Variants in PCDHA10 observed in about 807,000 individuals in gnomAD.
PCDHA10 encodes the protein protocadherin alpha-10.
In PCDHA10, 45 loss-of-function variants were observed where a neutral mutation model predicts 61.2. The ratio of observed to expected loss-of-function variants is 0.74; its 90% CI spans 0.58 to 0.94. The LOEUF (loss-of-function observed/expected upper bound fraction) is 0.94, where lower values mean the gene tolerates loss of function less well. Ranked by LOEUF, PCDHA10 falls within the 40% of genes least tolerant of loss-of-function variation. The probability of loss-of-function intolerance (pLI) is 0.00; values close to 1 mark genes in which losing one functional copy is unlikely to be tolerated. For missense variants in PCDHA10, 1,278 were observed against 1,236.2 expected (o/e 1.03, Z -0.51); for synonymous variants, 602 against 548.8 (o/e 1.10, Z -1.35).
intron 1 of PCDHA10, among the ~76,000 whole-genome samples, chr5:140,892,375 A>G (rs1032467069): frequency 1.3e-5 from 2 of 152,226 alleles, no homozygotes; most frequent in African/African-American, 4.8e-5. Flanking sequence ...GGCACTAGCA[A>G]TCATGGGTAA....
chr5:141,000,361 GTCTCTCTCTCTCTCTC>G (rs148596731), intron 3 of PCDHA10, among the ~76,000 whole-genome samples: 6 of 26,448 alleles, frequency 2.3e-4, no homozygotes, highest in African/African-American at 1.2e-3. Context: ...GTCTCTCTCT[GTCTCTCTCTCTCTCTC>G]TCTCTCTCTC....
At position 140,856,867 on chromosome 5, in the gene PCDHA10, C is replaced by G. The variant is rs1554149232; in HGVS notation, c.819C>G (p.Asn273Lys). The G allele has an allele frequency of 6.3e-7, 1 of 1,595,186 alleles. No homozygotes were observed. The highest frequency in any genetic ancestry group is 2.2e-5 in the East Asian group (1 of 44,848). ...LNASDSDEGI[N>K]KEMMYSFSSL... is the part of the protein sequence containing the mutation. ...CTTCTGATTCGGATGAAGGAATAAA[C>G]AAGGAAATGATGTATTCATTTAGCT... Residue 273 changes from asparagine to lysine, a missense_variant, in exon 1 of 4, where the codon AAC (asparagine) becomes AAG (lysine). Physicochemically the swap from Asn to Lys is moderately conservative, Grantham distance 94. Coordinates refer to ENST00000307360, the MANE Select transcript of PCDHA10 (RefSeq NM_018901.4).
chr5:140,916,864 T>A (rs2077768356), intron 1 of PCDHA10, among the ~76,000 whole-genome samples: 1 of 152,156 alleles, frequency 6.6e-6, no homozygotes, highest in African/African-American at 2.4e-5. Flanking sequence ...AGGAGTTACC[T>A]AGGAATTGCA....
At chr5:140,869,392 G>A in intron 1 of PCDHA10, 1 of 1,614,164 alleles carries the variant, frequency 6.2e-7, no homozygotes, top group Non-Finnish European at 8.5e-7. Context: ...GGAGCTGTGC[G>A]GGCAGAGCGC....
At chr5:140,886,042 A>G (rs1450330062) in intron 1 of PCDHA10, among the ~76,000 whole-genome samples, 1 of 152,222 alleles carries the variant, frequency 6.6e-6, no homozygotes, top group African/African-American at 2.4e-5. Context: ...GTTTTCCCCA[A>G]TAGTAACATC....
intron 3 of PCDHA10, among the ~76,000 whole-genome samples, chr5:140,991,200 A>C (rs2097437692): frequency 6.6e-6 from 1 of 152,234 alleles, no homozygotes; most frequent in Admixed American, 6.5e-5. Context: ...AATGATGCTC[A>C]ATAAATTTTG....
At position 140,883,268 on chromosome 5, in the gene PCDHA10, T is replaced by C. The variant is rs782069573; in HGVS notation, c.2388+24832T>C. 3 of 1,613,912 alleles carry C rather than the reference T, an allele frequency of 1.9e-6. No homozygotes were observed. The African/African-American group carries it at 4.0e-5, about 22-fold the overall frequency. On this transcript the variant is annotated intron_variant, in intron 1 of 3. Coordinates refer to ENST00000307360, the MANE Select transcript of PCDHA10 (RefSeq NM_018901.4). ...AGGAAATATTCCAATGGCGGGTCAT[T>C]GTACCCTTTTGGTGGAAGTACTAGA...
intron 1 of PCDHA10, chr5:140,869,782 C>T (rs782296742): frequency 1.6e-5 from 25 of 1,612,752 alleles, no homozygotes; most frequent in East Asian, 2.2e-5. Context: ...TGGCACCGTT[C>T]GGCTGTTAGT....
chr5:140,877,917 TTTC>T, intron 1 of PCDHA10: 2 of 1,427,712 alleles, frequency 1.4e-6, no homozygotes, highest in East Asian at 5.0e-5. Flanking sequence ...TTCTCTCATT[TTTC>T]TTTATGATTC....
intron 1 of PCDHA10, chr5:140,868,473 C>T (rs1740794532): frequency 6.6e-6 from 1 of 152,126 alleles, no homozygotes; most frequent in Non-Finnish European, 1.5e-5. Flanking sequence ...TTTTATAAAA[C>T]TTCAATTTTT....
intron 1 of PCDHA10, chr5:140,883,009 T>C (rs782092684): frequency 1.2e-6 from 2 of 1,614,126 alleles, no homozygotes; most frequent in South Asian, 2.2e-5. Flanking sequence ...AATCCGTTTA[T>C]AAAGTGACGG....
chr5:140,868,940 A>G, intron 1 of PCDHA10: 1 of 1,249,402 alleles, frequency 8.0e-7, no homozygotes, highest in South Asian at 1.6e-5. Context: ...GGTTGGTCTG[A>G]ACAGTGAGGC....
chr5:140,953,279 A>T (rs2153698724), intron 1 of PCDHA10, among the ~76,000 whole-genome samples: 1 of 152,188 alleles, frequency 6.6e-6, no homozygotes, highest in Non-Finnish European at 1.5e-5. Context: ...TTTGCTCTTT[A>T]TATGTGATTC....
chr5:140,927,995 AC>A, intron 1 of PCDHA10: 5 of 1,614,042 alleles, frequency 3.1e-6, no homozygotes, highest in Non-Finnish European at 4.2e-6. Flanking sequence ...AAGGATGAAG[AC>A]CTCGATTCTA....
chr5:140,913,489 G>C (rs1428566821), intron 1 of PCDHA10, among the ~76,000 whole-genome samples: 1 of 151,754 alleles, frequency 6.6e-6, no homozygotes, highest in Non-Finnish European at 1.5e-5. Context: ...TTCTTCATTA[G>C]TCTGTTTAAA....
chr5:140,981,443 G>A lies in PCDHA10; in HGVS notation c.2448-1032G>A, dbSNP rs530782878. ...ACAAAAATGAGCCAGGCATGGTGGC[G>A]GGTGCCTGTAGTCCCAGCTACTTGG... On this transcript the variant is annotated intron_variant, in intron 2 of 3. Transcript: ENST00000307360. Among the ~76,000 whole-genome samples, 6 of 152,126 alleles carry A rather than the reference G, an allele frequency of 3.9e-5. No homozygotes were observed. The Middle Eastern group carries it at 0.01, about 259-fold the overall frequency.
At chr5:140,916,592 G>A (rs1554197534) in intron 1 of PCDHA10, among the ~76,000 whole-genome samples, 2 of 152,164 alleles carry the variant, frequency 1.3e-5, no homozygotes, top group Non-Finnish European at 2.9e-5. Flanking sequence ...ATGAGCTAGG[G>A]CCTGGAATGC....
chr5:140,883,861 G>A (rs1554180326), intron 1 of PCDHA10: 2 of 1,613,126 alleles, frequency 1.2e-6, no homozygotes, highest in South Asian at 1.1e-5. Flanking sequence ...TGGAGCTGTT[G>A]CAGTTCCAGG....
chr5:140,869,501 T>A (rs200485559), intron 1 of PCDHA10: 1 of 1,614,192 alleles, frequency 6.2e-7, no homozygotes, highest in Admixed American at 1.7e-5. Flanking sequence ...CCGCCGGTGT[T>A]CTCGCTCAGA....
Sources: gnomAD v4.1 joint callset for allele counts (sites outside exome capture counted in the v4.1 genomes callset) on GRCh38, gnomAD v4.1.1 for gene constraint, MANE v1.5 for transcripts, NCBI Gene and HGNC (gene_info 2026-07-23, HGNC 2026-07-21) for gene names.